The following PAK1 variants were observed in gnomAD, a reference collection of about 807,000 sequenced individuals.
PAK1 encodes the protein p21 (RAC1) activated kinase 1.
A neutral mutation model predicts 67.4 loss-of-function variants in PAK1; 29 were observed. The ratio of observed to expected loss-of-function variants is 0.43; its 90% CI spans 0.32 to 0.59. The LOEUF is 0.59. Among genes scored for constraint, PAK1 ranks in the 20% least tolerant of loss-of-function variants. The probability of loss-of-function intolerance (pLI) is 0.07; values close to 1 mark genes in which losing one functional copy is unlikely to be tolerated. For missense variants in PAK1, 337 were observed against 670.7 expected (o/e 0.50, Z 5.50); for synonymous variants, 223 against 237.4 (o/e 0.94, Z 0.56).
At chr11:77,380,963 G>A (rs1223120949) in intron 2 of PAK1, among the ~76,000 whole-genome samples, 2 of 152,174 alleles carry the variant, frequency 1.3e-5, no homozygotes, top group East Asian at 1.9e-4. Flanking sequence ...CCCAGCACCT[G>A]TGAACCTTAT....
rs1957994509 is a variant in PAK1, at chr11:77,473,865, G to C, written c.-335C>G. 1 of 152,510 alleles carries C rather than the reference G, an allele frequency of 6.6e-6. No homozygotes were observed. Among genetic ancestry groups the C allele is most frequent in the East Asian group, 2.0e-4 (1 of 5,118 alleles). 9.4% of individuals were successfully genotyped at this position (152,510 alleles called of 1,614,324 possible). On this transcript the variant is annotated 5_prime_UTR_variant, in exon 1 of 15. Transcript: ENST00000356341. The stretch of plus-strand genomic sequence containing the variant: ...TGGATGCGGAGACCAGGTTCCTCGA[G>C]GGGGCTCACGAAAGCGCGGGGCTCC...
intron 2 of PAK1, among the ~76,000 whole-genome samples, chr11:77,385,271 T>G (rs1259696112): frequency 6.6e-6 from 1 of 152,168 alleles, no homozygotes; most frequent in Non-Finnish European, 1.5e-5. Context: ...GAAAAAGAAC[T>G]ATTACAATTT....
In PAK1 at chr11:77,323,177, C is replaced by G. The variant is rs1379230513; in HGVS notation, c.*97G>C. 5.7e-6 allele frequency: 9 copies of G among 1,573,544 alleles called. No homozygotes were observed. Among genetic ancestry groups the G allele is most frequent in the African/African-American group, 2.7e-5 (2 of 73,858 alleles). On this transcript the variant is annotated 3_prime_UTR_variant, in exon 15 of 15. Coordinates refer to ENST00000356341, the MANE Select transcript of PAK1 (RefSeq NM_002576.5). ...GTGCTAGATCAGGAAATGGGAGAAG[C>G]AAGGCAAGGAGAAGAGGGCATCAGG...
At chr11:77,416,825 C>A (rs570364787) in intron 1 of PAK1, among the ~76,000 whole-genome samples, 224 of 152,138 alleles carry the variant, frequency 1.5e-3, no homozygotes, top group African/African-American at 5.2e-3. Flanking sequence ...TGGTGGCGGG[C>A]GCCTATAGTC....
At chr11:77,501,023 C>T in the PAK1 span, among the ~76,000 whole-genome samples, 1 of 150,664 alleles carries the variant, frequency 6.6e-6, no homozygotes, top group African/African-American at 2.4e-5. Context: ...TGGTGGCAGG[C>T]GCCTGTAGTC....
chr11:77,492,763 C>A, the PAK1 span, among the ~76,000 whole-genome samples: 4 of 152,004 alleles, frequency 2.6e-5, no homozygotes, highest in Non-Finnish European at 5.9e-5. Context: ...GCAGAGTTCT[C>A]ATAAATGGCT....
intron 10 of PAK1, among the ~76,000 whole-genome samples, chr11:77,343,508 T>C (rs1184926098): frequency 2.0e-5 from 3 of 152,170 alleles, no homozygotes; most frequent in African/African-American, 7.2e-5. Flanking sequence ...AGATTTGGGA[T>C]GTAAAATGAG....
At chr11:77,510,036 G>A in the PAK1 span, among the ~76,000 whole-genome samples, 13 of 152,332 alleles carry the variant, frequency 8.5e-5, no homozygotes, top group Admixed American at 6.5e-4. Context: ...GTTGTCTTGA[G>A]TTTGTCATGA....
chr11:77,441,843 A>T (rs907691323), intron 1 of PAK1, among the ~76,000 whole-genome samples: 1 of 152,238 alleles, frequency 6.6e-6, no homozygotes, highest in Non-Finnish European at 1.5e-5. Context: ...CTCCACAAGT[A>T]AGAGTCAAAA....
chr11:77,454,818 C>G (rs1333566040), intron 1 of PAK1, among the ~76,000 whole-genome samples: 2 of 152,132 alleles, frequency 1.3e-5, no homozygotes, highest in African/African-American at 4.8e-5. Context: ...ATTCTCCTTG[C>G]CAGTGATTAG....
intron 4 of PAK1, among the ~76,000 whole-genome samples, chr11:77,375,764 G>T (rs1402850279): frequency 6.6e-6 from 1 of 152,070 alleles, no homozygotes; most frequent in Non-Finnish European, 1.5e-5. Context: ...ATTCCCCTGG[G>T]TCCAAGAAAA....
At chr11:77,390,824 A>C (rs969706533) in intron 2 of PAK1, among the ~76,000 whole-genome samples, 1 of 152,096 alleles carries the variant, frequency 6.6e-6, no homozygotes, top group Non-Finnish European at 1.5e-5. Flanking sequence ...CAAAGCCACC[A>C]AACCCAAAGG....
At chr11:77,509,257 C>CA in the PAK1 span, among the ~76,000 whole-genome samples, 2 of 151,600 alleles carry the variant, frequency 1.3e-5, no homozygotes, top group Non-Finnish European at 2.9e-5. Flanking sequence ...GACTCCACCT[C>CA]AAAAAAATAA....
chr11:77,520,003 C>CA, the PAK1 span, among the ~76,000 whole-genome samples: 2 of 84,008 alleles, frequency 2.4e-5, no homozygotes, highest in South Asian at 8.0e-4. Flanking sequence ...TGGCCTGTGG[C>CA]CCCCCCCTCC....
In PAK1 at chr11:77,326,321, A is replaced by G. The variant is rs188304086; in HGVS notation, c.1552-2961T>C. On this transcript the variant is annotated intron_variant, in intron 14 of 14. Transcript: ENST00000356341. The stretch of plus-strand genomic sequence containing the variant: ...AAATCTCACTCTCAATAAGTAGAGT[A>G]TCATTGCCATTATCTGAGGATTTCC... Among the ~76,000 whole-genome samples, 181 of 152,328 alleles carry G rather than the reference A, an allele frequency of 1.2e-3. 2 individuals are homozygous for G. Among genetic ancestry groups the G allele is most frequent in the Middle Eastern group, 6.8e-3 (2 of 294 alleles).
intron 1 of PAK1, among the ~76,000 whole-genome samples, chr11:77,404,427 C>T (rs112774627): frequency 0.032 from 4,871 of 152,130 alleles, 132 homozygotes; most frequent in African/African-American, 0.074. Context: ...GCCACCACAC[C>T]AGGCTAATTT....
At chr11:77,492,780 C>T in the PAK1 span, among the ~76,000 whole-genome samples, 1 of 151,990 alleles carries the variant, frequency 6.6e-6, no homozygotes, top group Non-Finnish European at 1.5e-5. Context: ...GGCTTAGAAC[C>T]ATCCTCCCTT....
chr11:77,336,693 T>C (rs1942745660), intron 12 of PAK1, among the ~76,000 whole-genome samples: 3 of 152,156 alleles, frequency 2.0e-5, no homozygotes, highest in African/African-American at 7.2e-5. Context: ...CAATCACCTA[T>C]GACTAGGCAT....
the PAK1 span, among the ~76,000 whole-genome samples, chr11:77,524,260 T>C: frequency 6.6e-6 from 1 of 152,318 alleles, no homozygotes; most frequent in South Asian, 2.1e-4. Flanking sequence ...GTCTGGACTT[T>C]TCCTCCTTCC....
Sources: allele counts gnomAD v4.1 joint callset (sites outside exome capture counted in the v4.1 genomes callset), GRCh38; gene constraint gnomAD v4.1.1; transcripts MANE v1.5; gene names NCBI Gene and HGNC (gene_info 2026-07-23, HGNC 2026-07-21).